GLYATL1: variants seen among roughly 807,000 people sequenced by gnomAD.
GLYATL1 encodes glycine N-acyltransferase-like protein 1.
In GLYATL1, 15 loss-of-function variants were observed where a neutral mutation model predicts 20.0. The observed-to-expected ratio is 0.75, with a 90% CI of 0.50 to 1.15. GLYATL1 has a LOEUF of 1.15. Among genes scored for constraint, GLYATL1 ranks in the 50% most tolerant of loss-of-function variants. The pLI, the probability that GLYATL1 is intolerant of heterozygous loss-of-function variation, is 0.00. For missense variants in GLYATL1, 380 were observed against 368.5 expected, an observed-to-expected ratio of 1.03 and a Z score of -0.26; for synonymous variants, 151 against 131.5, an observed-to-expected ratio of 1.15 and a Z score of -1.01.
chr11:58,951,237 A>T (rs941834231), intron 4 of GLYATL1, among the ~76,000 whole-genome samples: 1 of 152,158 alleles, frequency 6.6e-6, no homozygotes, highest in Non-Finnish European at 1.5e-5. Flanking sequence ...AATAGCATGA[A>T]TTAACATTCT....
At chr11:58,942,376 G>A (rs1441493887) in intron 1 of GLYATL1, among the ~76,000 whole-genome samples, 3 of 152,156 alleles carry the variant, frequency 2.0e-5, no homozygotes, top group Non-Finnish European at 2.9e-5. Context: ...AGATAGTCAG[G>A]AGAAAAGGCT....
chr11:58,936,713 T>C (rs1413199973), upstream of GLYATL1, among the ~76,000 whole-genome samples: 2 of 152,202 alleles, frequency 1.3e-5, no homozygotes, highest in African/African-American at 4.8e-5. Flanking sequence ...CAAAGTTTTG[T>C]TTTTCTCTTC....
At chr11:58,952,831 A>G (rs565882521) in intron 4 of GLYATL1, among the ~76,000 whole-genome samples, 2 of 152,330 alleles carry the variant, frequency 1.3e-5, no homozygotes, top group East Asian at 1.9e-4. Context: ...TTACAGCAGT[A>G]ATTTGCTTAG....
intron 4 of GLYATL1, among the ~76,000 whole-genome samples, chr11:58,948,798 A>G (rs1338939790): frequency 6.6e-6 from 1 of 152,232 alleles, no homozygotes; most frequent in Non-Finnish European, 1.5e-5. Flanking sequence ...CAATTTACAG[A>G]TAAGGAAACA....
At chr11:58,914,218 C>A (rs975575606) in intron 1 of GLYATL1, among the ~76,000 whole-genome samples, 1 of 152,190 alleles carries the variant, frequency 6.6e-6, no homozygotes, top group African/African-American at 2.4e-5. Flanking sequence ...CAGGTCCCAC[C>A]CTCTCATCCA....
chr11:58,945,639 A>T (rs12786476), intron 2 of GLYATL1, among the ~76,000 whole-genome samples: 1 of 152,218 alleles, frequency 6.6e-6, no homozygotes, highest in Non-Finnish European at 1.5e-5. Context: ...AAAGGAGAAG[A>T]CAATAGTGAA....
chr11:58,937,918 A>G (rs1855908455), upstream of GLYATL1, among the ~76,000 whole-genome samples: 1 of 152,168 alleles, frequency 6.6e-6, no homozygotes. Flanking sequence ...CCTCCCACAG[A>G]CACTCAGCCA....
At position 58,955,260 on chromosome 11, in the gene GLYATL1, T is replaced by C; in HGVS notation, c.398T>C (p.Leu133Ser). The C allele has an allele frequency of 1.2e-6, 2 of 1,614,160 alleles. No homozygotes were observed. Among genetic ancestry groups the C allele is most frequent in the Non-Finnish European group, 1.7e-6 (2 of 1,179,978 alleles). The change falls in exon 6 of 7, where the codon TTG becomes TCG. Residue 133 changes from leucine to serine, a missense_variant. By Grantham distance (145) the Leu-to-Ser change is moderately radical (BLOSUM62 -2). Transcript: ENST00000532726. ...GTAGAGCATTCGAGAGCACTCCTCT[T>C]GGTTACGGAAGATATTCTGAAGCTC... ...VKVEHSRALL[L>S]VTEDILKLNA...
chr11:58,948,626 G>A (rs1856755371), intron 4 of GLYATL1, among the ~76,000 whole-genome samples: 1 of 151,922 alleles, frequency 6.6e-6, no homozygotes, highest in Non-Finnish European at 1.5e-5. Context: ...GGGCAACAGA[G>A]TGAGACCCTG....
chr11:58,927,034 T>G (rs921747746), upstream of GLYATL1, among the ~76,000 whole-genome samples: 1 of 152,218 alleles, frequency 6.6e-6, no homozygotes, highest in African/African-American at 2.4e-5. Flanking sequence ...TACATATAAC[T>G]CTTCTTCACC....
intron 1 of GLYATL1, chr11:58,933,669 C>T (rs1855700143): frequency 6.6e-6 from 1 of 151,230 alleles, no homozygotes; most frequent in African/African-American, 2.4e-5. Context: ...TCTGATTGTT[C>T]TTGATCTTGA....
At chr11:58,954,731 G>A in intron 4 of GLYATL1, 39 bp from the exon 5 acceptor site, 1 of 1,534,468 alleles carries the variant, frequency 6.5e-7, no homozygotes, top group Non-Finnish European at 8.8e-7. Flanking sequence ...TGAAGAAAAA[G>A]TTCAAGGGAA....
chr11:58,915,792 G>A (rs7930111), intron 1 of GLYATL1, among the ~76,000 whole-genome samples: 23,535 of 152,128 alleles, frequency 0.15, 1,982 homozygotes, highest in East Asian at 0.31. Context: ...CTGGGCATCC[G>A]TTTCTCCATT....
At chr11:58,939,693 T>G (rs1289197675) in intron 1 of GLYATL1, 43 bp downstream of exon 1, 1 of 152,190 alleles carries the variant, frequency 6.6e-6, no homozygotes, top group Non-Finnish European at 1.5e-5. Context: ...TCTGCTCCTC[T>G]CAGTTTGGGA....
rs546084700 is a variant in GLYATL1, at chr11:58,955,292, T to A, written c.430T>A (p.Ser144Thr). 1.2e-5 allele frequency: 20 copies of A among 1,614,116 alleles called. No homozygotes were observed. The African/African-American group carries it at 2.7e-4, about 22-fold the overall frequency. The change falls in exon 6 of 7, where the codon TCC (serine) becomes ACC (threonine). Residue 144 changes from serine to threonine, a missense_variant. Ser to Thr is a moderately conservative substitution (Grantham distance 58). Transcript: ENST00000532726. ...VTEDILKLNA[S>T]SKSKLGSWAE... ...GGAAGATATTCTGAAGCTCAATGCC[T>A]CCAGTAAAAGCAAGCTTGGAAGCTG...
chr11:58,907,242 T>C (rs779659682), exon 2 of GLYATL1: 1 of 456,288 alleles, frequency 2.2e-6, no homozygotes, highest in Non-Finnish European at 4.4e-6. Flanking sequence ...CCTCTGCAGG[T>C]CACCCGCCAG....
intron 2 of GLYATL1, chr11:58,946,756 A>G: frequency 4.5e-6 from 2 of 443,294 alleles, no homozygotes; most frequent in Non-Finnish European, 8.3e-6. Flanking sequence ...GTTCTGTTAC[A>G]GGCATTTGGG....
intron 4 of GLYATL1, among the ~76,000 whole-genome samples, chr11:58,952,027 C>T (rs1269322711): frequency 7.7e-6 from 1 of 129,548 alleles, no homozygotes; most frequent in African/African-American, 2.9e-5. Context: ...GCATAATATG[C>T]AACCTAAGGA....
At chr11:58,925,509 T>G (rs186280738), upstream of GLYATL1, among the ~76,000 whole-genome samples, 796 of 152,320 alleles carry the variant, frequency 5.2e-3, 6 homozygotes, top group Non-Finnish European at 6.8e-3. Context: ...CTTCCCACTT[T>G]CTTTCCTTAG....
Sources: allele counts gnomAD v4.1 joint callset (sites outside exome capture counted in the v4.1 genomes callset), GRCh38; gene constraint gnomAD v4.1.1; transcripts MANE v1.5; gene names NCBI Gene and HGNC (gene_info 2026-07-23, HGNC 2026-07-21).